TANC1: variants seen among roughly 807,000 people sequenced by gnomAD.
TANC1 encodes the protein tetratricopeptide repeat, ankyrin repeat and coiled-coil containing 1.
TANC1 carries 77 observed loss-of-function variants against 149.7 expected under a neutral mutation model. That is an observed-to-expected ratio of 0.51 (90% confidence interval 0.43 to 0.62). The LOEUF is 0.62. TANC1 is among the 20% of genes least tolerant of loss of function. The pLI is 0.00. For synonymous variants in TANC1, 854 were observed against 925.0 expected (o/e 0.92, Z 1.39); for missense variants, 1,985 against 2,321.8 (o/e 0.85, Z 2.98).
intron 2 of TANC1, among the ~76,000 whole-genome samples, chr2:159,060,913 A>G (rs550239465): frequency 6.6e-6 from 1 of 152,302 alleles, no homozygotes; most frequent in African/African-American, 2.4e-5. Flanking sequence ...GTTATATTTT[A>G]TATGCCAACA....
chr2:158,998,837 A>C (rs573470553), intron 1 of TANC1, among the ~76,000 whole-genome samples: 1 of 152,192 alleles, frequency 6.6e-6, no homozygotes, highest in Non-Finnish European at 1.5e-5. Context: ...GGCCTGCCTC[A>C]CCATGCCATT....
chr2:159,068,590 A>G (rs2042869688), intron 3 of TANC1, among the ~76,000 whole-genome samples: 1 of 152,248 alleles, frequency 6.6e-6, no homozygotes, highest in African/African-American at 2.4e-5. Flanking sequence ...AATATTTTTC[A>G]GAAGCGTTGA....
intron 3 of TANC1, among the ~76,000 whole-genome samples, chr2:159,094,774 T>G (rs372677302): frequency 0.14 from 7,622 of 53,310 alleles, 724 homozygotes; most frequent in African/African-American, 0.4. Context: ...TGTGTGTGTG[T>G]GGGGGGGGGG....
intron 2 of TANC1, chr2:159,060,235 T>C (rs766910812): frequency 1.5e-5 from 3 of 203,382 alleles, no homozygotes; most frequent in Non-Finnish European, 2.6e-5. Context: ...TTACAGTGTT[T>C]CACTTGTAAA....
intron 3 of TANC1, among the ~76,000 whole-genome samples, chr2:159,075,687 TA>T (rs917779117): frequency 2.6e-5 from 4 of 151,800 alleles, no homozygotes; most frequent in Non-Finnish European, 2.9e-5. Flanking sequence ...TTTTTTTGTA[TA>T]AAAAAAAGCC....
In TANC1 at chr2:159,159,717, TGAGAGAGAGAGAGAGA is replaced by T. The variant is rs56101796; in HGVS notation, c.683-3537_683-3522del. Reference sequence around the variant, plus strand: ...GTGTGTGTGTGTGTGTGTGTGTGTGTGAGAGAGAGAGAGAGAGAGAGAGAGAGAGAGAGAGAGAGAG... The same window carrying T: ...GTGTGTGTGTGTGTGTGTGTGTGTGTGAGAGAGAGAGAGAGAGAGAGAGAG... On this transcript the variant is annotated intron_variant, in intron 7 of 26. Coordinates refer to ENST00000263635, the MANE Select transcript of TANC1 (RefSeq NM_033394.3). Among the ~76,000 whole-genome samples the T allele has an allele frequency of 2.6e-3, 304 of 114,972 alleles. 1 individual carries two copies. The highest frequency in any genetic ancestry group is 7.1e-3 in the African/African-American group (205 of 28,952). 75.4% of individuals were successfully genotyped at this position (114,972 alleles called of 152,430 possible).
At chr2:159,166,691 G>A (rs2054625757) in intron 8 of TANC1, among the ~76,000 whole-genome samples, 1 of 152,184 alleles carries the variant, frequency 6.6e-6, no homozygotes, top group African/African-American at 2.4e-5. Flanking sequence ...GCCTGAGAGG[G>A]CAGAGTGGCC....
intron 16 of TANC1, among the ~76,000 whole-genome samples, chr2:159,188,826 A>G (rs1333089916): frequency 6.6e-6 from 1 of 152,236 alleles, no homozygotes; most frequent in Non-Finnish European, 1.5e-5. Context: ...CATTAAATCC[A>G]GAAGTTGAGA....
At chr2:159,120,352 AGTTT>A (rs752700366) in intron 4 of TANC1, among the ~76,000 whole-genome samples, 1 of 151,924 alleles carries the variant, frequency 6.6e-6, no homozygotes, top group Admixed American at 6.6e-5. Flanking sequence ...TTGAGGGAGT[AGTTT>A]GTTTATTTTT....
At chr2:158,986,556 T>G (rs1264283938) in intron 1 of TANC1, among the ~76,000 whole-genome samples, 1 of 152,144 alleles carries the variant, frequency 6.6e-6, no homozygotes, top group Admixed American at 6.5e-5. Context: ...CCCCAGGAGG[T>G]GCTTCAGTAG....
chr2:159,188,983 G>T (rs1393924522), intron 16 of TANC1, among the ~76,000 whole-genome samples: 3 of 152,192 alleles, frequency 2.0e-5, no homozygotes, highest in Non-Finnish European at 4.4e-5. Context: ...CTGCTGCTCT[G>T]CCACCTGGCT....
chr2:159,005,731 G>C (rs1157504720), intron 2 of TANC1, among the ~76,000 whole-genome samples: 2 of 151,864 alleles, frequency 1.3e-5, no homozygotes. Context: ...ACAGCACTTA[G>C]AACCATGTAA....
chr2:159,094,393 C>T (rs2045866027), intron 3 of TANC1, among the ~76,000 whole-genome samples: 2 of 152,214 alleles, frequency 1.3e-5, no homozygotes, highest in Admixed American at 1.3e-4. Flanking sequence ...TGCCTGTACA[C>T]CCATGAATTA....
At chr2:159,092,254 C>G (rs2045633000) in intron 3 of TANC1, among the ~76,000 whole-genome samples, 1 of 152,188 alleles carries the variant, frequency 6.6e-6, no homozygotes, top group Non-Finnish European at 1.5e-5. Flanking sequence ...TAAGTGCACC[C>G]TTGCCTTTCT....
At chr2:159,219,977 A>AGAGAGTGTGTGTGT (rs1553616294) in intron 22 of TANC1, 110 bp downstream of exon 22, 114 of 560,686 alleles carry the variant, frequency 2.0e-4, no homozygotes, top group African/African-American at 2.0e-3. Context: ...GTCATCAGAG[A>AGAGAGTGTGTGTGT]GTGTGTGTGT....
chr2:159,082,582 G>A (rs1186768891), intron 3 of TANC1, among the ~76,000 whole-genome samples: 3 of 152,036 alleles, frequency 2.0e-5, no homozygotes, highest in Non-Finnish European at 2.9e-5. Context: ...CATGACCCTC[G>A]CCTTTCCATC....
At position 159,183,355 on chromosome 2, in the gene TANC1, G is replaced by A. The variant is rs191460423; in HGVS notation, c.2511-2436G>A. 5.6e-4 allele frequency among the ~76,000 whole-genome samples: 86 copies of A among 152,306 alleles called. 2 individuals carry two copies. The South Asian group carries it at 0.017, about 30-fold the overall frequency. On this transcript the variant is annotated intron_variant, in intron 14 of 26. Transcript: ENST00000263635. ...ACAGGTTCCAGCGCCAGGGCGGGTC[G>A]GCAGGTTGGAGGAGAAGCTGACAGT...
At chr2:159,083,231 A>G (rs1208435272) in intron 3 of TANC1, among the ~76,000 whole-genome samples, 2 of 151,120 alleles carry the variant, frequency 1.3e-5, no homozygotes, top group East Asian at 3.9e-4. Flanking sequence ...CTGGGATTAC[A>G]GGCATGAGCC....
chr2:159,000,006 G>A (rs1325270154), intron 1 of TANC1, among the ~76,000 whole-genome samples: 1 of 152,094 alleles, frequency 6.6e-6, no homozygotes, highest in East Asian at 1.9e-4. Flanking sequence ...TAACTCCTGG[G>A]CTCAAGCGAT....
Sources: gnomAD v4.1 joint callset for allele counts (sites outside exome capture counted in the v4.1 genomes callset) on GRCh38, gnomAD v4.1.1 for gene constraint, MANE v1.5 for transcripts, NCBI Gene and HGNC (gene_info 2026-07-23, HGNC 2026-07-21) for gene names.